Variants in CSMD1 observed in about 807,000 individuals in gnomAD.
The protein encoded by CSMD1 is CUB and Sushi multiple domains 1.
A neutral mutation model predicts 417.5 loss-of-function variants in CSMD1; 213 were observed. The observed-to-expected ratio is 0.51, with a 90% confidence interval of 0.46 to 0.57. The LOEUF is 0.57. Ranked by LOEUF, CSMD1 falls within the 20% of genes least tolerant of loss-of-function variation. CSMD1 has a pLI of 0.00. For missense variants in CSMD1, 6,923 were observed against 4,529.7 expected (o/e 1.53, Z -15.17); for synonymous variants, 2,862 against 1,736.8 (o/e 1.65, Z -16.11).
chr8:4,697,517 G>A (rs1306176108), intron 1 of CSMD1, among the ~76,000 whole-genome samples: 3 of 152,164 alleles, frequency 2.0e-5, no homozygotes, highest in Non-Finnish European at 4.4e-5. Flanking sequence ...GGAATTCTAT[G>A]TCCTGTATTG....
At chr8:4,019,969 A>G (rs1796708947) in intron 4 of CSMD1, among the ~76,000 whole-genome samples, 1 of 151,618 alleles carries the variant, frequency 6.6e-6, no homozygotes, top group South Asian at 2.1e-4. Flanking sequence ...GAGATCCTGT[A>G]GCTTACATGA....
At chr8:4,388,158 C>A (rs993622440) in intron 3 of CSMD1, among the ~76,000 whole-genome samples, 1 of 152,150 alleles carries the variant, frequency 6.6e-6, no homozygotes, top group East Asian at 1.9e-4. Context: ...TACCAACAGT[C>A]CCACTAATGG....
At chr8:3,507,106 T>C (rs935811190) in intron 10 of CSMD1, among the ~76,000 whole-genome samples, 1 of 152,208 alleles carries the variant, frequency 6.6e-6, no homozygotes, top group Non-Finnish European at 1.5e-5. Flanking sequence ...ACTATTATTA[T>C]AAAAATCATA....
At chr8:4,139,379 T>G (rs545814897) in intron 3 of CSMD1, among the ~76,000 whole-genome samples, 6 of 152,096 alleles carry the variant, frequency 3.9e-5, no homozygotes, top group Non-Finnish European at 4.4e-5. Context: ...ACAGTGGTGT[T>G]TGAGCTGCTT....
chr8:3,400,932 T>G (rs1206705301), intron 15 of CSMD1, among the ~76,000 whole-genome samples: 1 of 114,968 alleles, frequency 8.7e-6, no homozygotes, highest in Non-Finnish European at 1.7e-5. Flanking sequence ...GAACACTTGA[T>G]TTTTTGTGAT....
intron 2 of CSMD1, among the ~76,000 whole-genome samples, chr8:4,539,700 C>G (rs754141921): frequency 2.6e-5 from 4 of 152,146 alleles, no homozygotes; most frequent in Non-Finnish European, 4.4e-5. Flanking sequence ...GGAAAATATC[C>G]TAGCTCTATC....
At chr8:4,083,743 A>C (rs1369054348) in intron 3 of CSMD1, among the ~76,000 whole-genome samples, 2 of 152,208 alleles carry the variant, frequency 1.3e-5, no homozygotes, top group African/African-American at 4.8e-5. Context: ...AAACCCTAGA[A>C]GAAAACCTAG....
In CSMD1 at chr8:3,266,767, A is replaced by G. The variant is rs117883272; in HGVS notation, c.4153+17377T>C. On this transcript the variant is annotated intron_variant, in intron 26 of 69. Coordinates refer to ENST00000635120, the MANE Select transcript of CSMD1 (RefSeq NM_033225.6). ...TCCAGCCTGGGCGAAAGAGTGAGAC[A>G]CTGTCTTAAAAAAAATCAAAAAAAA... Among the ~76,000 whole-genome samples the G allele has an allele frequency of 2.7e-3, 381 of 140,388 alleles. 1 individual carries two copies. Among genetic ancestry groups the G allele is most frequent in the African/African-American group, 9.3e-3 (343 of 37,018 alleles). 92.1% of individuals were successfully genotyped at this position (140,388 alleles called of 152,430 possible). A position where few individuals can be genotyped will look rare whatever the true frequency, so the allele number is the denominator to read the frequency against.
intron 5 of CSMD1, among the ~76,000 whole-genome samples, chr8:3,949,680 A>G (rs775256657): frequency 1.3e-5 from 2 of 152,026 alleles, no homozygotes; most frequent in Non-Finnish European, 2.9e-5. Context: ...GGAGGAGGAG[A>G]AGGAGGAATA....
At chr8:3,307,531 C>T (rs1403269384) in intron 25 of CSMD1, among the ~76,000 whole-genome samples, 164 bp downstream of exon 25, 1 of 152,218 alleles carries the variant, frequency 6.6e-6, no homozygotes, top group African/African-American at 2.4e-5. Flanking sequence ...AAGGCAACAG[C>T]AAAGTAAGCA....
At chr8:4,530,005 T>C (rs546788860) in intron 2 of CSMD1, among the ~76,000 whole-genome samples, 4 of 152,032 alleles carry the variant, frequency 2.6e-5, no homozygotes, top group Admixed American at 1.3e-4. Context: ...AGCCCCGCCT[T>C]CCGGGTTCAT....
At chr8:3,439,875 A>G (rs1416126903) in intron 12 of CSMD1, among the ~76,000 whole-genome samples, 1 of 152,194 alleles carries the variant, frequency 6.6e-6, no homozygotes, top group Non-Finnish European at 1.5e-5. Context: ...TGGCCTATGT[A>G]TGTCCAGTTG....
chr8:4,076,002 AG>A (rs1720757452), intron 3 of CSMD1, among the ~76,000 whole-genome samples: 1 of 152,062 alleles, frequency 6.6e-6, no homozygotes, highest in African/African-American at 2.4e-5. Context: ...GGGAGGGTGG[AG>A]GGGGGATATT....
intron 2 of CSMD1, among the ~76,000 whole-genome samples, chr8:4,466,293 A>G (rs957321949): frequency 4.6e-5 from 7 of 152,068 alleles, no homozygotes; most frequent in African/African-American, 1.7e-4. Flanking sequence ...AAGAAAACAG[A>G]GGAGGAGGAG....
At chr8:4,128,715 T>A (rs932818590) in intron 3 of CSMD1, among the ~76,000 whole-genome samples, 1 of 152,118 alleles carries the variant, frequency 6.6e-6, no homozygotes, top group Non-Finnish European at 1.5e-5. Context: ...TGTCCACTCA[T>A]CCTTGCTGGA....
At chr8:4,836,491 C>T (rs995271323) in intron 1 of CSMD1, among the ~76,000 whole-genome samples, 3 of 152,266 alleles carry the variant, frequency 2.0e-5, no homozygotes, top group African/African-American at 7.2e-5. Flanking sequence ...ATACGGCAGA[C>T]AGCTAACATG....
chr8:4,193,012 C>G (rs1357800784), intron 3 of CSMD1, among the ~76,000 whole-genome samples: 1 of 152,162 alleles, frequency 6.6e-6, no homozygotes, highest in South Asian at 2.1e-4. Flanking sequence ...CTTTGTAACT[C>G]AGGAACTGAT....
intron 3 of CSMD1, among the ~76,000 whole-genome samples, chr8:4,408,099 G>C (rs754255047): frequency 2.0e-5 from 3 of 152,014 alleles, no homozygotes; most frequent in Non-Finnish European, 4.4e-5. Context: ...TTCACAAAAA[G>C]TTTATGCCTG....
At chr8:4,475,848 G>C (rs1050905092) in intron 2 of CSMD1, among the ~76,000 whole-genome samples, 2 of 151,990 alleles carry the variant, frequency 1.3e-5, no homozygotes, top group Admixed American at 1.3e-4. Context: ...CCTGACCTCA[G>C]GTGATCCACC....
Sources: gnomAD v4.1 joint callset for allele counts (sites outside exome capture counted in the v4.1 genomes callset) on GRCh38, gnomAD v4.1.1 for gene constraint, MANE v1.5 for transcripts, NCBI Gene and HGNC (gene_info 2026-07-23, HGNC 2026-07-21) for gene names.